Variants in ZNF619 observed in about 807,000 individuals in gnomAD.
The protein encoded by ZNF619 is zinc finger protein 619.
ZNF619 carries 9 observed loss-of-function variants against 14.2 expected under a neutral mutation model. The observed-to-expected ratio is 0.64, with a 90% CI of 0.38 to 1.11. The LOEUF (loss-of-function observed/expected upper bound fraction) is 1.11, where lower values mean the gene tolerates loss of function less well. Among genes scored for constraint, ZNF619 ranks in the 50% least tolerant of loss-of-function variants. The pLI is 0.01. For synonymous variants in ZNF619, 246 were observed against 252.8 expected (o/e 0.97, Z 0.26); for missense variants, 659 against 680.1 (o/e 0.97, Z 0.34).
At chr3:40,483,379 C>T (rs1258737428) in intron 4 of ZNF619, among the ~76,000 whole-genome samples, 1 of 151,658 alleles carries the variant, frequency 6.6e-6, no homozygotes, top group Admixed American at 6.6e-5. Flanking sequence ...CAACCTCCGC[C>T]TCCTGGGTTC....
chr3:40,488,217 G>A lies in ZNF619; in HGVS notation c.1707G>A (p.Pro569=), dbSNP rs757922131. The A allele has an allele frequency of 6.8e-5, 108 of 1,588,346 alleles. No homozygotes were observed. The South Asian group carries it at 1.0e-3, about 15-fold the overall frequency. Residue 569 remains proline (P), a synonymous_variant, in exon 5 of 5, where the codon CCG becomes CCA. Transcript: ENST00000432264. ...CTGGGAAGTCATCCCTTCAGAGCCC[G>A]AATCCTTTGTCTCACTCCCTGTAAG... ...AFPGKSSLQS[P]NPLSHSL
intron 3 of ZNF619, chr3:40,482,306 A>C (rs759851502): frequency 6.4e-7 from 1 of 1,552,284 alleles, no homozygotes; most frequent in Non-Finnish European, 8.7e-7. Context: ...CATTCCTTCC[A>C]TCTTCCAGTT....
At chr3:40,478,977 G>A (rs1199040395) in intron 2 of ZNF619, among the ~76,000 whole-genome samples, 3 of 152,150 alleles carry the variant, frequency 2.0e-5, no homozygotes, top group Non-Finnish European at 2.9e-5. Context: ...TCCCCAAAGA[G>A]GACCCCAAAT....
intron 4 of ZNF619, among the ~76,000 whole-genome samples, chr3:40,484,924 A>G (rs1697530825): frequency 6.6e-6 from 1 of 152,164 alleles, no homozygotes; most frequent in African/African-American, 2.4e-5. Flanking sequence ...AGAGATTCGA[A>G]TTCAGAAGAC....
At chr3:40,478,695 G>C (rs544202660) in intron 2 of ZNF619, among the ~76,000 whole-genome samples, 8 of 152,120 alleles carry the variant, frequency 5.3e-5, no homozygotes, top group Non-Finnish European at 1.2e-4. Flanking sequence ...CTTGGTGGTA[G>C]ATGATGGTTT....
chr3:40,484,299 G>A (rs756816251), intron 4 of ZNF619, among the ~76,000 whole-genome samples: 1 of 152,182 alleles, frequency 6.6e-6, no homozygotes, highest in Non-Finnish European at 1.5e-5. Context: ...ATTTTTCTAA[G>A]TTCATAAACA....
At chr3:40,477,797 G>A in intron 1 of ZNF619, 121 bp from the exon 2 acceptor site, 1 of 609,186 alleles carries the variant, frequency 1.6e-6, no homozygotes, top group Admixed American at 2.7e-5. Flanking sequence ...TCAGTGGAGA[G>A]GGTGAATGAC....
Position 40,487,360 on chromosome 3 carries a change from G to A in ZNF619, c.850G>A (p.Gly284Arg), listed in dbSNP as rs866192697. 1.2e-6 allele frequency: 2 copies of A among 1,614,160 alleles called. No individual in the cohort carries two copies. Among genetic ancestry groups the A allele is most frequent in the Admixed American group, 1.7e-5 (1 of 60,014 alleles). Reference protein sequence around the residue: ...HLLQHQKLHGGQRPYECTDCG... With the variant: ...HLLQHQKLHGRQRPYECTDCG... ...TCTTCAGCATCAGAAGCTCCATGGT[G>A]GACAGAGGCCCTATGAATGTACTGA... Residue 284 changes from glycine to arginine, a missense_variant, in exon 5 of 5, where the codon GGA (glycine) becomes AGA (arginine). Physicochemically the swap from Gly to Arg is moderately radical, Grantham distance 125. Transcript: ENST00000432264.
rs759001207 is a variant in ZNF619 at position 40,490,254 on chromosome 3, C to A, written c.*2013C>A. On this transcript the variant is annotated 3_prime_UTR_variant, in exon 5 of 5. Transcript: ENST00000432264. ...TATAAATTACCCAGTCTATGGTATT[C>A]AGTTAGAGCCACACAAAATGTAACA... 2.0e-5 allele frequency: 3 copies of A among 152,136 alleles called. No homozygotes were observed. Among genetic ancestry groups the A allele is most frequent in the Non-Finnish European group, 4.4e-5 (3 of 68,030 alleles). The allele number at this position is 152,136 out of a possible 1,614,324, so 9.4% of individuals were successfully genotyped here. A position where few individuals can be genotyped will look rare whatever the true frequency, so the allele number is the denominator to read the frequency against.
intron 4 of ZNF619, among the ~76,000 whole-genome samples, chr3:40,483,926 C>T (rs1437995933): frequency 6.6e-6 from 1 of 151,686 alleles, no homozygotes; most frequent in Admixed American, 6.6e-5. Context: ...CTGCACTTGG[C>T]CTATTTATTT....
At position 40,490,159 on chromosome 3, in the gene ZNF619, C is replaced by T. The variant is rs1697763072; in HGVS notation, c.*1918C>T. 1 of 152,202 alleles carries T rather than the reference C, an allele frequency of 6.6e-6. No homozygotes were observed. Among genetic ancestry groups the T allele is most frequent in the East Asian group, 1.9e-4 (1 of 5,194 alleles). The allele number at this position is 152,202 out of a possible 1,614,324, so 9.4% of individuals were successfully genotyped here. A position where few individuals can be genotyped will look rare whatever the true frequency, so the allele number is the denominator to read the frequency against. On this transcript the variant is annotated 3_prime_UTR_variant, in exon 5 of 5. Coordinates refer to ENST00000432264, the MANE Select transcript of ZNF619 (RefSeq NM_001145093.4). ...TCATGATGCAGCAAGTAAGCCCTTA[C>T]CAGATGCCTGCACCTTTATATTGGA...
chr3:40,489,696 G>C lies in ZNF619; in HGVS notation c.*1455G>C, dbSNP rs922306092. ...GGATGGAACTTGTTGGCATCACACT[G>C]GTGAGCACCAGAGGCAAAGAAGAGA... On this transcript the variant is annotated 3_prime_UTR_variant, in exon 5 of 5. Coordinates refer to ENST00000432264, the MANE Select transcript of ZNF619 (RefSeq NM_001145093.4). The C allele has an allele frequency of 8.5e-5, 13 of 152,132 alleles. No individual in the cohort carries two copies. Among genetic ancestry groups the C allele is most frequent in the Non-Finnish European group, 1.6e-4 (11 of 68,042 alleles). The allele number at this position is 152,132 out of a possible 1,614,324, so 9.4% of individuals were successfully genotyped here.
Position 40,489,457 on chromosome 3 carries a change from A to T in ZNF619, c.*1216A>T, listed in dbSNP as rs1218743988. 1 of 152,538 alleles carries T rather than the reference A, an allele frequency of 6.6e-6. No individual in the cohort carries two copies. Among genetic ancestry groups the T allele is most frequent in the Non-Finnish European group, 1.5e-5 (1 of 68,708 alleles). 9.4% of individuals were successfully genotyped at this position (152,538 alleles called of 1,614,324 possible). On this transcript the variant is annotated 3_prime_UTR_variant, in exon 5 of 5. Coordinates refer to ENST00000432264, the MANE Select transcript of ZNF619 (RefSeq NM_001145093.4). ...GAGACAGAGTTTTGCCATGTTGCCC[A>T]GGCTGGTCTCAAAACTCCTGGACTC...
At position 40,488,417 on chromosome 3, in the gene ZNF619, G is replaced by A. The variant is rs774125873; in HGVS notation, c.*176G>A. On this transcript the variant is annotated 3_prime_UTR_variant, in exon 5 of 5. Transcript: ENST00000432264. ...GTTTGATTAGTTTCTTTTATCCCCC[G>A]GTAGGAAATGGCAGTACTTATTCTT... The A allele has an allele frequency of 6.1e-4, 346 of 571,648 alleles. 1 individual carries two copies. Among genetic ancestry groups the A allele is most frequent in the Non-Finnish European group, 9.3e-4 (304 of 325,206 alleles). The allele number at this position is 571,648 out of a possible 1,614,324, so 35.4% of individuals were successfully genotyped here.
chr3:40,483,617 T>G, intron 4 of ZNF619: 1 of 447,314 alleles, frequency 2.2e-6, no homozygotes, highest in Middle Eastern at 7.1e-4. Flanking sequence ...AAAAATAGAT[T>G]TATTTATTTA....
rs1697601855 is a variant in ZNF619, at chr3:40,486,956, A to G, written c.446A>G (p.His149Arg). 6.8e-6 allele frequency: 11 copies of G among 1,614,120 alleles called. No homozygotes were observed. The highest frequency in any genetic ancestry group is 1.3e-5 in the African/African-American group (1 of 74,934). The change falls in exon 5 of 5, where the codon CAT (histidine) becomes CGT (arginine). Residue 149 changes from histidine to arginine, a missense_variant. Transcript: ENST00000432264. ...GACAGGTTAGAGAAGTCACAGCTAC[A>G]TGATACAGGGAATAAAACAAAGATA... ...FKDRLEKSQL[H>R]DTGNKTKIGD...
chr3:40,482,831 A>G, intron 4 of ZNF619, 127 bp downstream of exon 4: 1 of 696,620 alleles, frequency 1.4e-6, no homozygotes, highest in Non-Finnish European at 2.4e-6. Context: ...ACTCTTATTC[A>G]AAGAAGTGTT....
chr3:40,477,526 G>A (rs1193025969), intron 1 of ZNF619, among the ~76,000 whole-genome samples, 169 bp downstream of exon 1: 2 of 152,188 alleles, frequency 1.3e-5, no homozygotes. Flanking sequence ...TGCAGCCTGT[G>A]GTTTGTTTAG....
chr3:40,480,527 C>T (rs1697351789), intron 2 of ZNF619, among the ~76,000 whole-genome samples: 2 of 134,092 alleles, frequency 1.5e-5, no homozygotes, highest in South Asian at 4.5e-4. Context: ...GAGACGGAGT[C>T]TTGCTCTGTC....
Sources: allele counts gnomAD v4.1 joint callset (sites outside exome capture counted in the v4.1 genomes callset), GRCh38; gene constraint gnomAD v4.1.1; transcripts MANE v1.5; gene names NCBI Gene and HGNC (gene_info 2026-07-23, HGNC 2026-07-21).